Variants in STK38L observed in about 807,000 individuals in gnomAD.
STK38L encodes the protein serine/threonine-protein kinase 38-like.
A neutral mutation model predicts 59.7 loss-of-function variants in STK38L; 28 were observed. That is an observed-to-expected ratio of 0.47 (90% CI 0.35 to 0.64). The LOEUF is 0.64. Ranked by LOEUF, STK38L falls within the 30% of genes least tolerant of loss-of-function variation. STK38L has a pLI of 0.01. For synonymous variants in STK38L, 162 were observed against 176.8 expected (o/e 0.92, Z 0.66); for missense variants, 314 against 555.8 (o/e 0.56, Z 4.37).
At chr12:27,249,102 G>A (rs1942918458) in intron 1 of STK38L, among the ~76,000 whole-genome samples, 1 of 152,196 alleles carries the variant, frequency 6.6e-6, no homozygotes, top group Non-Finnish European at 1.5e-5. Context: ...GCTGATTCAA[G>A]TTTTGGGGGC....
intron 1 of STK38L, among the ~76,000 whole-genome samples, chr12:27,294,378 G>A (rs942454890): frequency 5.9e-5 from 9 of 151,834 alleles, no homozygotes; most frequent in Non-Finnish European, 4.4e-5. Flanking sequence ...ACATTAGCGT[G>A]CACCTGTAAT....
chr12:27,268,524 G>A (rs190611430), intron 1 of STK38L, among the ~76,000 whole-genome samples: 110 of 152,250 alleles, frequency 7.2e-4, no homozygotes, highest in Non-Finnish European at 1.4e-3. Flanking sequence ...ATCGTTGTTG[G>A]ACATTTGGCT....
intron 12 of STK38L, 119 bp from the exon 13 acceptor site, chr12:27,322,023 TA>T (rs1158087303): frequency 5.1e-5 from 42 of 827,388 alleles, no homozygotes; most frequent in Middle Eastern, 7.5e-4. Context: ...AAATCCACAA[TA>T]AATTTCCTTG....
intron 1 of STK38L, among the ~76,000 whole-genome samples, chr12:27,247,828 T>TTTC (rs1191753422): frequency 2.0e-5 from 3 of 151,318 alleles, no homozygotes; most frequent in African/African-American, 7.3e-5. Flanking sequence ...TTTTTTTTTT[T>TTTC]TTTTTTGACA....
intron 1 of STK38L, among the ~76,000 whole-genome samples, chr12:27,290,376 C>T (rs766792362): frequency 1.2e-4 from 19 of 152,182 alleles, no homozygotes; most frequent in Non-Finnish European, 2.6e-4. Flanking sequence ...TCATATCAAC[C>T]TTATAAGGTT....
chr12:27,288,191 A>C (rs183100174), intron 1 of STK38L, among the ~76,000 whole-genome samples: 3 of 152,272 alleles, frequency 2.0e-5, no homozygotes, highest in African/African-American at 7.2e-5. Flanking sequence ...GTTTATTCTT[A>C]CATATTTTAT....
intron 1 of STK38L, among the ~76,000 whole-genome samples, chr12:27,251,622 G>GT (rs1164706903): frequency 3.3e-4 from 51 of 152,274 alleles, no homozygotes; most frequent in African/African-American, 1.2e-3. Context: ...ATGAGACAAG[G>GT]TTTTTGCCCT....
At chr12:27,244,514 C>G (rs1008873851) in intron 1 of STK38L, among the ~76,000 whole-genome samples, 182 bp downstream of exon 1, 1 of 152,200 alleles carries the variant, frequency 6.6e-6, no homozygotes. Context: ...TCTTATTCCC[C>G]GGGGTGATAC....
In STK38L at chr12:27,308,102, A is replaced by T. The variant is rs1279294606; in HGVS notation, c.187-237A>T. ...ATGAAAGAATAAGTTATACATATATATATATATAGACAAATATGATGGACT... is the reference window on the plus strand; with the variant it reads ...ATGAAAGAATAAGTTATACATATATTTATATATAGACAAATATGATGGACT... On this transcript the variant is annotated intron_variant, in intron 3 of 13. Transcript: ENST00000389032. This position sits in a 1 kb window ranked among gnomAD's most constrained non-coding sequence, Gnocchi z 4.5. Among the ~76,000 whole-genome samples, 1 of 151,522 alleles carries T rather than the reference A, an allele frequency of 6.6e-6. No individual in the cohort carries two copies. The highest frequency in any genetic ancestry group is 2.4e-5 in the African/African-American group (1 of 41,284).
chr12:27,250,226 G>A (rs1454062305), intron 1 of STK38L, among the ~76,000 whole-genome samples: 4 of 152,086 alleles, frequency 2.6e-5, no homozygotes, highest in African/African-American at 7.2e-5. Flanking sequence ...TTATGAATAC[G>A]GTTATTGCTA....
chr12:27,265,537 G>A (rs1167759870), intron 1 of STK38L, among the ~76,000 whole-genome samples: 1 of 152,140 alleles, frequency 6.6e-6, no homozygotes, highest in Non-Finnish European at 1.5e-5. Context: ...TATGACTTCT[G>A]TAAGCAGAGA....
Position 27,302,384 on chromosome 12 carries a change from C to T in STK38L, c.186+196C>T, listed in dbSNP as rs56281149. 7.2e-3 allele frequency: 2,802 copies of T among 391,764 alleles called. 72 individuals carry two copies. Among genetic ancestry groups the T allele is most frequent in the African/African-American group, 0.053 (2,508 of 47,744 alleles). The allele number at this position is 391,764 out of a possible 1,614,324, so 24.3% of individuals were successfully genotyped here. ...GTTTTTTTCTTAAATTCCAAGAACA[C>T]GTATTTAAGAGAACATTGCCAAGTG... On this transcript the variant is annotated intron_variant, in intron 3 of 13. Transcript: ENST00000389032.
intron 1 of STK38L, among the ~76,000 whole-genome samples, chr12:27,247,814 ATTTTTTTT>A (rs11448972): frequency 1.6e-5 from 2 of 126,578 alleles, no homozygotes; most frequent in Admixed American, 1.6e-4. Flanking sequence ...TTGTTCTGTA[ATTTTTTTT>A]TTTTTTTTTT....
intron 5 of STK38L, 45 bp downstream of exon 5, chr12:27,309,242 C>T (rs562436651): frequency 2.7e-5 from 38 of 1,414,604 alleles, no homozygotes; most frequent in South Asian, 8.7e-5. Flanking sequence ...CATCCACTGA[C>T]GCAGTGTTAA....
chr12:27,309,053 A>G (rs572783413), intron 4 of STK38L, 61 bp from the exon 5 acceptor site: 20 of 1,228,586 alleles, frequency 1.6e-5, no homozygotes, highest in East Asian at 1.6e-4. Context: ...AAGGGAAGTT[A>G]CTTTTCTTTC....
intron 1 of STK38L, among the ~76,000 whole-genome samples, chr12:27,280,891 G>GCCTT (rs1334356277): frequency 1.3e-5 from 2 of 152,210 alleles, no homozygotes; most frequent in Non-Finnish European, 2.9e-5. Context: ...CAGCAACACA[G>GCCTT]CCTTGTCTTT....
At chr12:27,275,885 A>G (rs1417941446) in intron 1 of STK38L, among the ~76,000 whole-genome samples, 2 of 152,220 alleles carry the variant, frequency 1.3e-5, no homozygotes, top group South Asian at 2.1e-4. Context: ...GCTAAAGGGA[A>G]CATAGATATC....
intron 1 of STK38L, among the ~76,000 whole-genome samples, chr12:27,266,876 CT>C (rs1943311934): frequency 6.6e-6 from 1 of 152,158 alleles, no homozygotes; most frequent in African/African-American, 2.4e-5. Flanking sequence ...CTGTTCCTTC[CT>C]TCATAGGTTC....
chr12:27,295,312 G>A lies in STK38L; in HGVS notation c.-11-2398G>A, dbSNP rs1943990499. On this transcript the variant is annotated intron_variant, in intron 1 of 13. Coordinates refer to ENST00000389032, the MANE Select transcript of STK38L (RefSeq NM_015000.4). ...CTCAGATGGCCTTAGAACTAGGCCT[G>A]TGAACCAGGCAGAGCAAATATTTTA... Among the ~76,000 whole-genome samples the A allele has an allele frequency of 2.0e-5, 3 of 152,212 alleles. No homozygotes were observed. The South Asian group carries it at 6.2e-4, about 31-fold the overall frequency.
Sources: gnomAD v4.1 joint callset for allele counts (sites outside exome capture counted in the v4.1 genomes callset) on GRCh38, gnomAD v4.1.1 for gene constraint, Gnocchi (gnomAD v3.1) non-coding constraint, MANE v1.5 for transcripts, NCBI Gene and HGNC (gene_info 2026-07-23, HGNC 2026-07-21) for gene names.